The following TTC6 variants were observed in gnomAD, a reference collection of about 807,000 sequenced individuals.
TTC6 encodes tetratricopeptide repeat protein 6.
In TTC6, 172 loss-of-function variants were observed where a neutral mutation model predicts 210.4. The observed-to-expected ratio is 0.82, with a 90% confidence interval of 0.72 to 0.93. The LOEUF is 0.93. Ranked by LOEUF, TTC6 falls within the 40% of genes least tolerant of loss-of-function variation. TTC6 has a pLI of 0.00. For missense variants in TTC6, 2,414 were observed against 2,318.1 expected, an observed-to-expected ratio of 1.04 and a Z score of -0.85; for synonymous variants, 804 against 819.6, an observed-to-expected ratio of 0.98 and a Z score of 0.32.
intron 10 of TTC6, among the ~76,000 whole-genome samples, chr14:37,747,087 T>G (rs544002334): frequency 8.5e-5 from 13 of 152,330 alleles, no homozygotes; most frequent in African/African-American, 3.1e-4. Flanking sequence ...ATTGTTGTCC[T>G]AATGACTTAA....
At chr14:37,651,408 TATATATATATATA>T (rs2095711451) in intron 1 of TTC6, among the ~76,000 whole-genome samples, 1 of 19,380 alleles carries the variant, frequency 5.2e-5, no homozygotes, top group African/African-American at 2.7e-4. Context: ...TATATATATA[TATATATATATATA>T]TATATTTTTT....
chr14:37,718,764 C>CA (rs1464719424), intron 6 of TTC6, among the ~76,000 whole-genome samples: 1 of 151,976 alleles, frequency 6.6e-6, no homozygotes, highest in Non-Finnish European at 1.5e-5. Flanking sequence ...CCCATCTCTA[C>CA]AAAAAATACA....
intron 3 of TTC6, among the ~76,000 whole-genome samples, chr14:37,684,424 G>A (rs923506335): frequency 2.0e-5 from 3 of 152,158 alleles, no homozygotes; most frequent in African/African-American, 7.2e-5. Flanking sequence ...TGTGGTTGGT[G>A]ACTGACCCCA....
chr14:37,709,473 T>C (rs1206873537), intron 5 of TTC6, among the ~76,000 whole-genome samples: 3 of 152,118 alleles, frequency 2.0e-5, no homozygotes, highest in Non-Finnish European at 4.4e-5. Flanking sequence ...GCACTATCAA[T>C]GTCTGTTAAG....
intron 10 of TTC6, among the ~76,000 whole-genome samples, chr14:37,740,409 T>A (rs1395812508): frequency 6.6e-6 from 1 of 152,210 alleles, no homozygotes; most frequent in Non-Finnish European, 1.5e-5. Context: ...TCTTTTTAGA[T>A]ATCCCCAGAC....
intron 1 of TTC6, among the ~76,000 whole-genome samples, chr14:37,654,473 C>T (rs979446915): frequency 6.6e-5 from 10 of 152,102 alleles, no homozygotes; most frequent in Non-Finnish European, 8.8e-5. Context: ...TCCCCCTTTG[C>T]CTTCTGCCAT....
At chr14:37,743,414 A>T (rs2095926969) in intron 10 of TTC6, among the ~76,000 whole-genome samples, 1 of 152,214 alleles carries the variant, frequency 6.6e-6, no homozygotes, top group African/African-American at 2.4e-5. Context: ...TTCCTTAAAA[A>T]TATTGTACTT....
intron 1 of TTC6, among the ~76,000 whole-genome samples, chr14:37,600,465 G>T (rs2095613510): frequency 6.6e-6 from 1 of 152,064 alleles, no homozygotes; most frequent in Non-Finnish European, 1.5e-5. Flanking sequence ...GTCCCAGGCC[G>T]GCCAGCCCCC....
intron 1 of TTC6, among the ~76,000 whole-genome samples, chr14:37,675,767 A>G (rs1201945002): frequency 6.7e-6 from 1 of 148,658 alleles, no homozygotes; most frequent in East Asian, 2.0e-4. Flanking sequence ...TTTTTTTTAT[A>G]GCCATCCTAG....
chr14:37,694,169 CA>C (rs375593966), intron 3 of TTC6, among the ~76,000 whole-genome samples: 170 of 152,206 alleles, frequency 1.1e-3, no homozygotes, highest in African/African-American at 3.9e-3. Flanking sequence ...AGTGAAGAGA[CA>C]ACCCACAGAA....
At chr14:37,614,651 T>G (rs2095639762) in intron 2 of TTC6, among the ~76,000 whole-genome samples, 1 of 152,186 alleles carries the variant, frequency 6.6e-6, no homozygotes, top group Non-Finnish European at 1.5e-5. Flanking sequence ...TAGGTTTTTT[T>G]TTTTTAATCT....
At chr14:37,617,941 T>C (rs2095645381), upstream of TTC6, among the ~76,000 whole-genome samples, 2 of 152,194 alleles carry the variant, frequency 1.3e-5, no homozygotes, top group Admixed American at 1.3e-4. Flanking sequence ...TGACTACATA[T>C]AGGAAGAGGT....
chr14:37,817,993 T>G (rs534374885), intron 26 of TTC6, among the ~76,000 whole-genome samples: 1 of 152,274 alleles, frequency 6.6e-6, no homozygotes, highest in Admixed American at 6.5e-5. Context: ...GCTCGAAATA[T>G]CTAAGCATAA....
At chr14:37,793,263 A>G (rs891629546) in intron 17 of TTC6, among the ~76,000 whole-genome samples, 1 of 152,212 alleles carries the variant, frequency 6.6e-6, no homozygotes, top group Non-Finnish European at 1.5e-5. Flanking sequence ...AAGACCCCAC[A>G]GGAGCTAGCT....
exon 1 of TTC6, chr14:37,622,124 A>G (rs1310705425): frequency 2.0e-6 from 3 of 1,535,534 alleles, no homozygotes; most frequent in East Asian, 2.5e-5. Flanking sequence ...ATATGTTTAA[A>G]GAGCTTGAGA....
chr14:37,806,214 T>TTAG, intron 21 of TTC6, 147 bp from the exon 24 acceptor site: 1 of 777,146 alleles, frequency 1.3e-6, no homozygotes, highest in South Asian at 2.5e-5. Context: ...GTTTGTTCCA[T>TTAG]GAGGTCCATT....
At chr14:37,600,635 T>A (rs1566831074) in intron 1 of TTC6, among the ~76,000 whole-genome samples, 1 of 152,242 alleles carries the variant, frequency 6.6e-6, no homozygotes, top group Non-Finnish European at 1.5e-5. Flanking sequence ...GCCATATCCT[T>A]CACTTAGAAA....
intron 14 of TTC6, among the ~76,000 whole-genome samples, chr14:37,785,228 G>A (rs895186379): frequency 6.6e-6 from 1 of 152,136 alleles, no homozygotes; most frequent in South Asian, 2.1e-4. Flanking sequence ...TTCCAACTTG[G>A]TTTCATTCTC....
At chr14:37,666,712 A>G (rs2095748858) in intron 1 of TTC6, among the ~76,000 whole-genome samples, 1 of 150,160 alleles carries the variant, frequency 6.7e-6, no homozygotes, top group South Asian at 2.1e-4. Flanking sequence ...TTTGTAATTT[A>G]TTACACATAT....
Sources: allele counts gnomAD v4.1 joint callset (sites outside exome capture counted in the v4.1 genomes callset), GRCh38; gene constraint gnomAD v4.1.1; transcripts MANE v1.5; gene names NCBI Gene and HGNC (gene_info 2026-07-23, HGNC 2026-07-21).